Variants in CTNNBIP1 observed in about 807,000 individuals in gnomAD.
The protein encoded by CTNNBIP1 is catenin beta interacting protein 1, also known as beta-catenin-interacting protein 1.
CTNNBIP1 carries 7 observed loss-of-function variants against 11.8 expected under a neutral mutation model. The observed-to-expected ratio is 0.60, with a 90% CI of 0.34 to 1.12. The LOEUF (loss-of-function observed/expected upper bound fraction) is 1.12. CTNNBIP1 is among the 50% of genes most tolerant of loss of function. CTNNBIP1 has a pLI of 0.03. For missense variants in CTNNBIP1, 101 were observed against 113.4 expected (o/e 0.89, Z 0.50); for synonymous variants, 58 against 43.9 (o/e 1.32, Z -1.26).
intron 1 of CTNNBIP1, among the ~76,000 whole-genome samples, chr1:9,900,875 C>T (rs548836509): frequency 5.3e-5 from 8 of 152,314 alleles, no homozygotes; most frequent in East Asian, 1.9e-4. Flanking sequence ...TTAACACACA[C>T]GGAGGGAGAA....
Position 9,851,381 on chromosome 1 carries a change from T to G in CTNNBIP1, c.188-605A>C, listed in dbSNP as rs1353876426. Among the ~76,000 whole-genome samples, 2 of 152,114 alleles carry G rather than the reference T, an allele frequency of 1.3e-5. No homozygotes were observed. The highest frequency in any genetic ancestry group is 1.3e-4 in the Admixed American group (2 of 15,280). On this transcript the variant is annotated intron_variant, in intron 5 of 5. Coordinates refer to ENST00000377263, the MANE Select transcript of CTNNBIP1 (RefSeq NM_020248.3). This position sits in a 1 kb window ranked among gnomAD's most constrained non-coding sequence, Gnocchi z 4.8. Reference sequence around the variant, plus strand: ...TCTTTTTCCTTTTTCTTTCTTTTTTTTGTGTGTGATATGGAGTCTTGCTCT... The same window carrying G: ...TCTTTTTCCTTTTTCTTTCTTTTTTGTGTGTGTGATATGGAGTCTTGCTCT...
At chr1:9,907,569 GGCAGTAATGT>G (rs1477602869) in intron 1 of CTNNBIP1, among the ~76,000 whole-genome samples, 1 of 152,150 alleles carries the variant, frequency 6.6e-6, no homozygotes, top group African/African-American at 2.4e-5. Flanking sequence ...TTCCAACAGT[GGCAGTAATGT>G]TCCCATTTAA....
chr1:9,870,606 C>A (rs902210495), intron 5 of CTNNBIP1, among the ~76,000 whole-genome samples: 3 of 152,218 alleles, frequency 2.0e-5, no homozygotes, highest in African/African-American at 7.2e-5. Flanking sequence ...AACAACGGTG[C>A]CTGCTACACA....
intron 1 of CTNNBIP1, among the ~76,000 whole-genome samples, chr1:9,904,127 G>A (rs1639574211): frequency 6.6e-6 from 1 of 152,152 alleles, no homozygotes. Flanking sequence ...AAGAAAACCA[G>A]CTACATGAGA....
chr1:9,893,882 G>A (rs1053239025), intron 1 of CTNNBIP1, among the ~76,000 whole-genome samples: 1 of 152,014 alleles, frequency 6.6e-6, no homozygotes, highest in Non-Finnish European at 1.5e-5. Context: ...TTCCAAGTCC[G>A]AAAAAAGAAT....
intron 2 of CTNNBIP1, among the ~76,000 whole-genome samples, chr1:9,882,594 C>T (rs1254614649): frequency 1.3e-5 from 2 of 152,148 alleles, no homozygotes; most frequent in Non-Finnish European, 2.9e-5. Context: ...GAAGTCAAGC[C>T]TCAGCTTGAA....
intron 5 of CTNNBIP1, among the ~76,000 whole-genome samples, chr1:9,865,183 A>G (rs1638716695): frequency 6.6e-6 from 1 of 151,410 alleles, no homozygotes; most frequent in East Asian, 1.9e-4. Flanking sequence ...GAGCCAAGAT[A>G]GCACCACTGC....
chr1:9,861,735 A>G (rs759238785), intron 5 of CTNNBIP1, among the ~76,000 whole-genome samples: 30 of 152,178 alleles, frequency 2.0e-4, no homozygotes, highest in Non-Finnish European at 4.0e-4. Context: ...GGAGGCAGCT[A>G]AAGGCCCTCC....
At chr1:9,853,890 C>T (rs761820005) in intron 5 of CTNNBIP1, among the ~76,000 whole-genome samples, 10 of 146,538 alleles carry the variant, frequency 6.8e-5, no homozygotes, top group Admixed American at 3.3e-4. Context: ...GCAAACATAC[C>T]CAACAAAATG....
At chr1:9,861,593 ACAGGCACAAGAGG>A (rs879424020) in intron 5 of CTNNBIP1, among the ~76,000 whole-genome samples, 2 of 152,216 alleles carry the variant, frequency 1.3e-5, no homozygotes, top group Non-Finnish European at 2.9e-5. Context: ...GACAACCACC[ACAGGCACAAGAGG>A]CTGCTGGGCG....
intron 1 of CTNNBIP1, among the ~76,000 whole-genome samples, chr1:9,904,647 T>A (rs1019363672): frequency 2.6e-5 from 4 of 152,100 alleles, no homozygotes; most frequent in African/African-American, 9.7e-5. Flanking sequence ...AGCTGTCCAG[T>A]CAATCTTGGT....
chr1:9,908,916 C>A (rs567914969), intron 1 of CTNNBIP1, among the ~76,000 whole-genome samples: 45 of 152,326 alleles, frequency 3.0e-4, no homozygotes, highest in African/African-American at 1.1e-3. Context: ...TTTGTATTTA[C>A]AAGGGAGGAC....
chr1:9,858,900 A>C (rs1041736149), intron 5 of CTNNBIP1, among the ~76,000 whole-genome samples: 7 of 152,264 alleles, frequency 4.6e-5, no homozygotes, highest in Admixed American at 3.9e-4. Flanking sequence ...TTCACCCTAG[A>C]AGGAGAAAGG....
At chr1:9,905,344 C>T (rs1639596064) in intron 1 of CTNNBIP1, among the ~76,000 whole-genome samples, 1 of 152,192 alleles carries the variant, frequency 6.6e-6, no homozygotes, top group South Asian at 2.1e-4. Flanking sequence ...CTTCTCAGAG[C>T]TAAAGTTATG....
At chr1:9,888,953 C>A (rs1173139000) in intron 1 of CTNNBIP1, among the ~76,000 whole-genome samples, 1 of 152,234 alleles carries the variant, frequency 6.6e-6, no homozygotes, top group Non-Finnish European at 1.5e-5. Flanking sequence ...TGCAATGCTG[C>A]ACCCAGCTGA....
Position 9,872,113 on chromosome 1 carries a change from A to C in CTNNBIP1, c.-24-25T>G. The C allele has an allele frequency of 6.6e-6, 9 of 1,364,946 alleles. No individual in the cohort carries two copies. The highest frequency in any genetic ancestry group is 9.4e-6 in the Non-Finnish European group (9 of 953,504). 84.6% of individuals were successfully genotyped at this position (1,364,946 alleles called of 1,614,324 possible). A position where few individuals can be genotyped will look rare whatever the true frequency, so the allele number is the denominator to read the frequency against. ...CCTGCAGAGCAAGCAACAGCATCAAAAGGGAAGAGATCAGGATGTGACATA... is the reference window on the plus strand; with the variant it reads ...CCTGCAGAGCAAGCAACAGCATCAACAGGGAAGAGATCAGGATGTGACATA... On this transcript the variant is annotated intron_variant, in intron 3 of 5. Transcript: ENST00000377263. The surrounding 1 kb of genome is among the most constrained non-coding windows in gnomAD (Gnocchi z 4.0).
At chr1:9,895,409 G>A (rs189710470) in intron 1 of CTNNBIP1, among the ~76,000 whole-genome samples, 1 of 149,252 alleles carries the variant, frequency 6.7e-6, no homozygotes. Context: ...TGTTGGGCAG[G>A]CTGGTCTTGA....
At chr1:9,882,511 T>C (rs561785193) in intron 2 of CTNNBIP1, among the ~76,000 whole-genome samples, 1 of 151,526 alleles carries the variant, frequency 6.6e-6, no homozygotes, top group East Asian at 1.9e-4. Context: ...GCAGGAAGAG[T>C]TGTGGCTTAG....
intron 5 of CTNNBIP1, among the ~76,000 whole-genome samples, chr1:9,862,759 C>T (rs1431939244): frequency 6.6e-6 from 1 of 152,240 alleles, no homozygotes; most frequent in Non-Finnish European, 1.5e-5. Flanking sequence ...TCTCCCCTCC[C>T]TCAGCCCAAA....
Sources: gnomAD v4.1 joint callset for allele counts (sites outside exome capture counted in the v4.1 genomes callset) on GRCh38, gnomAD v4.1.1 for gene constraint, Gnocchi (gnomAD v3.1) non-coding constraint, MANE v1.5 for transcripts, NCBI Gene and HGNC (gene_info 2026-07-23, HGNC 2026-07-21) for gene names.